Variants in PLCB4 observed in about 807,000 individuals in gnomAD.
The protein encoded by PLCB4 is 1-phosphatidylinositol 4,5-bisphosphate phosphodiesterase beta-4.
PLCB4 carries 77 observed loss-of-function variants against 178.8 expected under a neutral mutation model. The ratio of observed to expected loss-of-function variants is 0.43; its 90% confidence interval spans 0.36 to 0.52. PLCB4 has a LOEUF of 0.52. PLCB4 is among the 20% of genes least tolerant of loss of function. The pLI is 0.00. For synonymous variants in PLCB4, 496 were observed against 490.8 expected (o/e 1.01, Z -0.14); for missense variants, 1,024 against 1,453.4 (o/e 0.70, Z 4.80).
At chr20:9,365,363 T>C (rs1382148510) in intron 8 of PLCB4, 98 bp from the exon 9 acceptor site, 27 of 735,144 alleles carry the variant, frequency 3.7e-5, no homozygotes, top group Middle Eastern at 2.4e-4. Context: ...AGAACCAATG[T>C]TCTTGATTTA....
intron 2 of PLCB4, among the ~76,000 whole-genome samples, chr20:9,162,284 A>G (rs2092901098): frequency 6.6e-6 from 1 of 152,194 alleles, no homozygotes; most frequent in South Asian, 2.1e-4. Flanking sequence ...CAAGGGCATT[A>G]TTACATAATT....
chr20:9,374,799 C>T (rs1289183505), intron 12 of PLCB4, among the ~76,000 whole-genome samples: 3 of 152,118 alleles, frequency 2.0e-5, no homozygotes, highest in Non-Finnish European at 4.4e-5. Flanking sequence ...AATTCTTAGA[C>T]ATAACATTTA....
chr20:9,183,464 C>T (rs1259990365), intron 2 of PLCB4, among the ~76,000 whole-genome samples: 2 of 152,056 alleles, frequency 1.3e-5, no homozygotes, highest in East Asian at 3.9e-4. Flanking sequence ...AAATTTTTTT[C>T]CATCACCACA....
chr20:9,141,213 G>A (rs2092483628), intron 2 of PLCB4, among the ~76,000 whole-genome samples: 1 of 152,220 alleles, frequency 6.6e-6, no homozygotes, highest in African/African-American at 2.4e-5. Flanking sequence ...TGACCATTGG[G>A]CCAGAACTAC....
chr20:9,382,918 A>G (rs7269910), intron 13 of PLCB4, among the ~76,000 whole-genome samples: 15,863 of 152,226 alleles, frequency 0.1, 1,905 homozygotes, highest in African/African-American at 0.28. Flanking sequence ...GGAAAGAGGT[A>G]TACAAATTTC....
At chr20:9,314,068 GGCATGAGTATGACA>G (rs1345798000) in intron 4 of PLCB4, among the ~76,000 whole-genome samples, 1 of 152,120 alleles carries the variant, frequency 6.6e-6, no homozygotes, top group African/African-American at 2.4e-5. Context: ...CTTCTGCAAG[GGCATGAGTATGACA>G]GCACATTCTA....
chr20:9,319,030 G>A (rs193274373), intron 4 of PLCB4, among the ~76,000 whole-genome samples: 20 of 152,278 alleles, frequency 1.3e-4, no homozygotes, highest in Non-Finnish European at 2.1e-4. Flanking sequence ...GGCTAGTGGT[G>A]AAGAGACCCT....
intron 3 of PLCB4, among the ~76,000 whole-genome samples, chr20:9,305,164 T>C (rs2094751710): frequency 2.0e-5 from 3 of 151,998 alleles, no homozygotes; most frequent in Non-Finnish European, 2.9e-5. Context: ...GTATTTACTA[T>C]GCTTAGTGAT....
intron 3 of PLCB4, among the ~76,000 whole-genome samples, chr20:9,233,452 G>A (rs150595245): frequency 2.6e-5 from 4 of 152,166 alleles, no homozygotes; most frequent in East Asian, 3.9e-4. Flanking sequence ...AAGTAAACAC[G>A]TGAAAGAACA....
chr20:9,366,417 A>G (rs1039335172), intron 9 of PLCB4, among the ~76,000 whole-genome samples: 5 of 151,340 alleles, frequency 3.3e-5, no homozygotes, highest in African/African-American at 1.2e-4. Context: ...AAAAAAAAAA[A>G]AGACTTGAGT....
At position 9,405,343 on chromosome 20, in the gene PLCB4, A is replaced by C. The variant is rs1189790255; in HGVS notation, c.1642A>C (p.Lys548Gln). The change falls in exon 21 of 40, where the codon AAA becomes CAA. Residue 548 changes from lysine to glutamine, a missense_variant. Physicochemically the swap from Lys to Gln is moderately conservative, Grantham distance 53. Coordinates refer to ENST00000378473, the MANE Select transcript of PLCB4 (RefSeq NM_001377142.1). Reference sequence around the variant, plus strand: ...AGATGACCTTGAACATGAAAACAACAAAAAGGTAACAAAATAATTCCCTTG... The same window carrying C: ...AGATGACCTTGAACATGAAAACAACCAAAAGGTAACAAAATAATTCCCTTG... ...ASDDLEHENNKKGLVTVEDEQ... is the reference protein window; with the variant it reads ...ASDDLEHENNQKGLVTVEDEQ... The C allele has an allele frequency of 2.0e-6, 3 of 1,534,480 alleles. No individual in the cohort carries two copies. In the South Asian group the frequency reaches 3.6e-5, roughly 18 times the overall value.
intron 2 of PLCB4, among the ~76,000 whole-genome samples, chr20:9,147,709 G>A (rs1600714715): frequency 6.6e-6 from 1 of 152,134 alleles, no homozygotes; most frequent in South Asian, 2.1e-4. Context: ...GAGCAAGAAT[G>A]AGAACAAACT....
intron 4 of PLCB4, among the ~76,000 whole-genome samples, chr20:9,332,904 T>A (rs1161985521): frequency 6.6e-6 from 1 of 152,198 alleles, no homozygotes; most frequent in Admixed American, 6.5e-5. Context: ...CCTGGTTCAA[T>A]AGGAATTCCC....
At position 9,478,990 on chromosome 20, in the gene PLCB4, A is replaced by G; in HGVS notation, c.3602A>G (p.Lys1201Arg). The change falls in exon 40 of 40, where the codon AAA (lysine) becomes AGA (arginine). Residue 1201 changes from lysine (K) to arginine (R), a missense_variant. Coordinates refer to ENST00000378473, the MANE Select transcript of PLCB4 (RefSeq NM_001377142.1). The part of the protein sequence containing the change: ...DGPQTSNSSM[K>R]LQNAN ...CCGCAGACCAGCAACAGTAGTATGA[A>G]ACTCCAAAATGCAAACTGAAGCAGC... The G allele has an allele frequency of 1.2e-6, 2 of 1,613,218 alleles. No individual in the cohort carries two copies. The highest frequency in any genetic ancestry group is 3.3e-4 in the Middle Eastern group (2 of 6,058).
intron 4 of PLCB4, among the ~76,000 whole-genome samples, chr20:9,326,864 C>T (rs1363592924): frequency 6.6e-6 from 1 of 152,072 alleles, no homozygotes; most frequent in African/African-American, 2.4e-5. Flanking sequence ...TTATGCTTAG[C>T]TTTGTATTCT....
chr20:9,121,865 T>A (rs900286956), intron 2 of PLCB4, among the ~76,000 whole-genome samples: 1 of 152,218 alleles, frequency 6.6e-6, no homozygotes, highest in African/African-American at 2.4e-5. Context: ...ACCAAATTTA[T>A]GTATTTTAGT....
chr20:9,225,732 T>C (rs986062307), intron 3 of PLCB4, among the ~76,000 whole-genome samples: 1 of 152,244 alleles, frequency 6.6e-6, no homozygotes, highest in African/African-American at 2.4e-5. Context: ...TCCCCTGCAT[T>C]GGGCATGTTT....
chr20:9,349,910 A>G (rs1362905844), intron 7 of PLCB4, among the ~76,000 whole-genome samples: 1 of 152,182 alleles, frequency 6.6e-6, no homozygotes, highest in Non-Finnish European at 1.5e-5. Context: ...ATGTATTTGT[A>G]TGTTTTCTCA....
chr20:9,299,303 A>AT (rs1372655953), intron 3 of PLCB4, among the ~76,000 whole-genome samples: 3 of 152,070 alleles, frequency 2.0e-5, no homozygotes, highest in South Asian at 4.1e-4. Context: ...TTTAGAAAAT[A>AT]TTTTTTCTGG....
Sources: gnomAD v4.1 joint callset for allele counts (sites outside exome capture counted in the v4.1 genomes callset) on GRCh38, gnomAD v4.1.1 for gene constraint, MANE v1.5 for transcripts, NCBI Gene and HGNC (gene_info 2026-07-23, HGNC 2026-07-21) for gene names.